MGAM2: variants seen among roughly 807,000 people sequenced by gnomAD.
MGAM2 encodes maltase-glucoamylase 2 (putative).
A neutral mutation model predicts 96.1 loss-of-function variants in MGAM2; 98 were observed. The observed-to-expected ratio is 1.02, with a 90% CI of 0.87 to 1.21. MGAM2 has a LOEUF of 1.21. MGAM2 is among the 50% of genes most tolerant of loss of function. MGAM2 has a pLI of 0.00. For synonymous variants in MGAM2, 749 were observed against 414.8 expected, an observed-to-expected ratio of 1.81 and a Z score of -9.79; for missense variants, 2,055 against 1,182.4, an observed-to-expected ratio of 1.74 and a Z score of -10.82.
intron 3 of MGAM2, among the ~76,000 whole-genome samples, 158 bp downstream of exon 3, chr7:142,120,539 C>T (rs574706220): frequency 6.6e-6 from 1 of 151,604 alleles, no homozygotes; most frequent in Non-Finnish European, 1.5e-5. Flanking sequence ...ATATTAAGAT[C>T]GTGAGGGAAG....
Position 142,220,987 on chromosome 7 carries a change from C to A in MGAM2, c.6476C>A (p.Ala2159Asp), listed in dbSNP as rs780140104. The change falls in exon 48 of 48, where the codon GCT becomes GAT. Residue 2159 changes from alanine (A) to aspartate (D), a missense_variant. Physicochemically the swap from Ala to Asp is moderately radical, Grantham distance 126. Coordinates refer to ENST00000477922, the MANE Select transcript of MGAM2 (RefSeq NM_001293626.2). ...AATGCTAGCACTAGTACTAATGTTG[C>A]TAATATAACTGCTACCTCTCATACA... The part of the protein sequence containing the change: ...TTNASTSTNV[A>D]NITATSHTST... The A allele has an allele frequency of 1.4e-6, 1 of 702,008 alleles. No homozygotes were observed. The highest frequency in any genetic ancestry group is 1.7e-5 in the African/African-American group (1 of 57,148). The allele number at this position is 702,008 out of a possible 1,614,324, so 43.5% of individuals were successfully genotyped here. A position where few individuals can be genotyped will look rare whatever the true frequency, so the allele number is the denominator to read the frequency against.
intron 5 of MGAM2, 80 bp downstream of exon 5, chr7:142,131,707 G>A: frequency 1.5e-6 from 1 of 671,010 alleles, no homozygotes; most frequent in South Asian, 1.6e-5. Context: ...GGAGGCAGAA[G>A]GTACCTCTCT....
intron 3 of MGAM2, among the ~76,000 whole-genome samples, chr7:142,127,028 C>T (rs988927104): frequency 2.6e-5 from 4 of 152,216 alleles, no homozygotes; most frequent in African/African-American, 9.6e-5. Flanking sequence ...ATCTGTCTTC[C>T]TGTCCTTGCA....
chr7:142,192,336 A>G (rs1796895955), intron 37 of MGAM2, among the ~76,000 whole-genome samples: 1 of 152,200 alleles, frequency 6.6e-6, no homozygotes, highest in Non-Finnish European at 1.5e-5. Flanking sequence ...CTAGTTCTTC[A>G]GGAAAACACC....
chr7:142,216,408 TC>T lies in MGAM2; in HGVS notation c.5188-1951del, dbSNP rs530309967. On this transcript the variant is annotated intron_variant, in intron 46 of 47. Transcript: ENST00000477922. Reference sequence around the variant, plus strand: ...CTTTAATAACATCTAACTTCAAAATTCCATTTTTCTGATAAATGAATTCTTA... The same window carrying T: ...CTTTAATAACATCTAACTTCAAAATTCATTTTTCTGATAAATGAATTCTTA... Among the ~76,000 whole-genome samples, 14 of 152,320 alleles carry T rather than the reference TC, an allele frequency of 9.2e-5. No homozygotes were observed. The South Asian group carries it at 2.9e-3, about 32-fold the overall frequency.
intron 26 of MGAM2, 44 bp from the exon 27 acceptor site, chr7:142,170,031 G>T: frequency 3.0e-6 from 2 of 673,388 alleles, no homozygotes; most frequent in South Asian, 1.6e-5. Context: ...AGGGGTTTTA[G>T]GTCTGAGACC....
chr7:142,131,452 A>ACAAAAC (rs1290256895), intron 4 of MGAM2, 66 bp from the exon 5 acceptor site: 2 of 679,488 alleles, frequency 2.9e-6, no homozygotes, highest in Admixed American at 2.2e-5. Context: ...AAAAACAAAA[A>ACAAAAC]CAAAACAAAA....
intron 37 of MGAM2, among the ~76,000 whole-genome samples, chr7:142,192,924 T>C (rs1329173158): frequency 6.6e-6 from 1 of 152,230 alleles, no homozygotes; most frequent in Admixed American, 6.5e-5. Context: ...CTATTGTTAA[T>C]ATAAAAATTA....
intron 3 of MGAM2, among the ~76,000 whole-genome samples, chr7:142,125,173 T>A (rs917958329): frequency 1.3e-5 from 2 of 152,178 alleles, no homozygotes; most frequent in Admixed American, 1.3e-4. Flanking sequence ...ACCTAATAAA[T>A]AACATTGAAT....
intron 46 of MGAM2, among the ~76,000 whole-genome samples, chr7:142,210,299 G>T (rs1563297225): frequency 6.7e-6 from 1 of 148,850 alleles, no homozygotes; most frequent in East Asian, 2.0e-4. Flanking sequence ...AGCTTCAGGA[G>T]TTTTTTTTTT....
chr7:142,188,551 C>G (rs1160007227), intron 36 of MGAM2, among the ~76,000 whole-genome samples: 1 of 152,180 alleles, frequency 6.6e-6, no homozygotes, highest in African/African-American at 2.4e-5. Flanking sequence ...ATGTCTACAT[C>G]ACTGTTATGC....
chr7:142,161,979 T>C lies in MGAM2; in HGVS notation c.2459T>C (p.Ile820Thr). The change falls in exon 23 of 48, where the codon ATT becomes ACT. Residue 820 changes from isoleucine to threonine, a missense_variant. Ile to Thr is a moderately conservative substitution (Grantham distance 89). Coordinates refer to ENST00000477922, the MANE Select transcript of MGAM2 (RefSeq NM_001293626.2). ...GATGCTGTGACTGAAAAGAAGTATA[T>C]TCTATATGATTTCTCTGTTACCTCT... Reference protein sequence around the residue: ...SKDAVTEKKYILYDFSVTSNH... With the variant: ...SKDAVTEKKYTLYDFSVTSNH... 2.9e-6 allele frequency: 2 copies of C among 697,592 alleles called. No individual in the cohort carries two copies. Among genetic ancestry groups the C allele is most frequent in the Non-Finnish European group, 5.2e-6 (2 of 383,100 alleles). 43.2% of individuals were successfully genotyped at this position (697,592 alleles called of 1,614,324 possible). A position where few individuals can be genotyped will look rare whatever the true frequency, so the allele number is the denominator to read the frequency against.
intron 32 of MGAM2, among the ~76,000 whole-genome samples, chr7:142,179,078 T>TTTTTTTTTTTTTTTGAGACGG (rs1796463340): frequency 6.6e-6 from 1 of 152,196 alleles, no homozygotes; most frequent in Non-Finnish European, 1.5e-5. Flanking sequence ...CTTGTTTTTA[T>TTTTTTTTTTTTTTTGAGACGG]AGTTCTTCTA....
At chr7:142,151,493 CT>C (rs1200636106) in intron 15 of MGAM2, among the ~76,000 whole-genome samples, 2 of 152,174 alleles carry the variant, frequency 1.3e-5, no homozygotes, top group Admixed American at 6.5e-5. Context: ...ATAAATAAGA[CT>C]CAATTTCCTC....
At chr7:142,195,832 C>T (rs756283602) in intron 37 of MGAM2, among the ~76,000 whole-genome samples, 4 of 151,986 alleles carry the variant, frequency 2.6e-5, no homozygotes, top group African/African-American at 7.3e-5. Context: ...GGAAAGTGAC[C>T]GGTATAATAC....
chr7:142,168,647 G>A (rs761286144), intron 26 of MGAM2, among the ~76,000 whole-genome samples: 4 of 152,000 alleles, frequency 2.6e-5, no homozygotes, highest in Admixed American at 6.6e-5. Context: ...GAGATCTACC[G>A]CTATGCACAT....
intron 32 of MGAM2, among the ~76,000 whole-genome samples, chr7:142,178,764 T>C (rs897864514): frequency 2.6e-5 from 4 of 152,190 alleles, no homozygotes; most frequent in Non-Finnish European, 4.4e-5. Context: ...GTTTTTTGGT[T>C]CCATGTGAAT....
intron 20 of MGAM2, 110 bp downstream of exon 20, chr7:142,159,453 A>G: frequency 1.6e-6 from 1 of 637,384 alleles, no homozygotes; most frequent in Non-Finnish European, 2.8e-6. Context: ...ATTTATAGTT[A>G]GTTGATTGTG....
At chr7:142,150,998 C>T (rs576065317) in intron 15 of MGAM2, among the ~76,000 whole-genome samples, 86 of 152,308 alleles carry the variant, frequency 5.6e-4, no homozygotes, top group South Asian at 1.5e-3. Flanking sequence ...TGGGAACTTT[C>T]CTGACAGTTC....
Sources: allele counts gnomAD v4.1 joint callset (sites outside exome capture counted in the v4.1 genomes callset), GRCh38; gene constraint gnomAD v4.1.1; transcripts MANE v1.5; gene names NCBI Gene and HGNC (gene_info 2026-07-23, HGNC 2026-07-21).